Variants in HS6ST3 observed in about 807,000 individuals in gnomAD.
The protein encoded by HS6ST3 is heparan-sulfate 6-O-sulfotransferase 3.
In HS6ST3, 12 loss-of-function variants were observed where a neutral mutation model predicts 36.7. That is an observed-to-expected ratio of 0.33 (90% CI 0.21 to 0.53). The LOEUF (loss-of-function observed/expected upper bound fraction) is 0.53. HS6ST3 is among the 20% of genes least tolerant of loss of function. The pLI is 0.95. For missense variants in HS6ST3, 584 were observed against 640.9 expected, an observed-to-expected ratio of 0.91 and a Z score of 0.96; for synonymous variants, 240 against 257.5, an observed-to-expected ratio of 0.93 and a Z score of 0.65.
At chr13:96,596,476 CCA>C (rs2056401811) in intron 1 of HS6ST3, among the ~76,000 whole-genome samples, 1 of 151,910 alleles carries the variant, frequency 6.6e-6, no homozygotes, top group South Asian at 2.1e-4. Context: ...AGGTAGATAC[CCA>C]GTAGTGGGAT....
At chr13:96,721,953 T>G (rs1875859874) in intron 1 of HS6ST3, among the ~76,000 whole-genome samples, 1 of 152,132 alleles carries the variant, frequency 6.6e-6, no homozygotes, top group Non-Finnish European at 1.5e-5. Flanking sequence ...AACATTTAAG[T>G]AAGAGATGGT....
intron 1 of HS6ST3, among the ~76,000 whole-genome samples, chr13:96,594,470 T>C (rs182985146): frequency 4.8e-4 from 73 of 152,278 alleles, no homozygotes; most frequent in African/African-American, 1.7e-3. Flanking sequence ...ATTTTATGTG[T>C]ATCTACTATA....
At chr13:96,408,049 C>G (rs908245398) in intron 1 of HS6ST3, among the ~76,000 whole-genome samples, 3 of 152,150 alleles carry the variant, frequency 2.0e-5, no homozygotes, top group African/African-American at 7.2e-5. Context: ...AAGCAATTCT[C>G]CAGCCTCAGC....
chr13:96,645,812 G>A (rs9584398), intron 1 of HS6ST3, among the ~76,000 whole-genome samples: 1 of 151,820 alleles, frequency 6.6e-6, no homozygotes, highest in Non-Finnish European at 1.5e-5. Context: ...GGGAGGAAAT[G>A]CCATGGAAAT....
At chr13:96,675,652 C>A (rs2056696677) in intron 1 of HS6ST3, among the ~76,000 whole-genome samples, 1 of 152,020 alleles carries the variant, frequency 6.6e-6, no homozygotes, top group Non-Finnish European at 1.5e-5. Context: ...AGTTTCAAAA[C>A]AATGTAAGAC....
intron 1 of HS6ST3, among the ~76,000 whole-genome samples, chr13:96,434,507 C>T (rs2055631923): frequency 6.6e-6 from 1 of 152,174 alleles, no homozygotes; most frequent in South Asian, 2.1e-4. Context: ...GATTGGCCTC[C>T]AAATACAGTT....
chr13:96,278,206 T>A (rs2054757927), intron 1 of HS6ST3, among the ~76,000 whole-genome samples: 1 of 152,166 alleles, frequency 6.6e-6, no homozygotes, highest in Non-Finnish European at 1.5e-5. Flanking sequence ...ACCTTAAACT[T>A]CTTGTACTCA....
intron 1 of HS6ST3, among the ~76,000 whole-genome samples, chr13:96,825,204 C>T (rs1878623359): frequency 6.6e-6 from 1 of 152,118 alleles, no homozygotes; most frequent in African/African-American, 2.4e-5. Flanking sequence ...TGTTGTGAAC[C>T]TAGCATTATG....
chr13:96,530,505 C>CTTT (rs113518179), intron 1 of HS6ST3, among the ~76,000 whole-genome samples: 1 of 142,590 alleles, frequency 7.0e-6, no homozygotes, highest in African/African-American at 2.6e-5. Context: ...TTTTCTTTCC[C>CTTT]TTTTTTTTTT....
intron 1 of HS6ST3, among the ~76,000 whole-genome samples, chr13:96,363,226 C>T (rs1027132374): frequency 6.6e-6 from 1 of 151,674 alleles, no homozygotes; most frequent in African/African-American, 2.4e-5. Flanking sequence ...TTTAGTATTC[C>T]ATTATATGTA....
At chr13:96,253,940 T>C (rs1387358547) in intron 1 of HS6ST3, among the ~76,000 whole-genome samples, 3 of 152,224 alleles carry the variant, frequency 2.0e-5, no homozygotes. Flanking sequence ...ATTTTTTCTT[T>C]ATTGTTTTAA....
At chr13:96,394,130 T>C (rs926926621) in intron 1 of HS6ST3, among the ~76,000 whole-genome samples, 2 of 152,160 alleles carry the variant, frequency 1.3e-5, no homozygotes, top group African/African-American at 4.8e-5. Flanking sequence ...TGTGTTCTCT[T>C]AGCTTTCTCT....
chr13:96,712,969 CA>C (rs1171703162), intron 1 of HS6ST3, among the ~76,000 whole-genome samples: 1 of 152,164 alleles, frequency 6.6e-6, no homozygotes, highest in African/African-American at 2.4e-5. Context: ...AAATTGTCTT[CA>C]AAATGACTCC....
At chr13:96,400,191 A>G (rs1376682603) in intron 1 of HS6ST3, among the ~76,000 whole-genome samples, 1 of 150,530 alleles carries the variant, frequency 6.6e-6, no homozygotes, top group Non-Finnish European at 1.5e-5. Context: ...ACACAGACAC[A>G]TATATGCAGA....
chr13:96,432,867 C>T (rs939924332), intron 1 of HS6ST3, among the ~76,000 whole-genome samples: 17 of 152,178 alleles, frequency 1.1e-4, no homozygotes, highest in African/African-American at 3.6e-4. Context: ...GAAATTAGTA[C>T]CAATAAAACC....
intron 1 of HS6ST3, among the ~76,000 whole-genome samples, chr13:96,668,627 C>T (rs1178290727): frequency 4.2e-5 from 6 of 142,142 alleles, no homozygotes; most frequent in Non-Finnish European, 1.5e-5. Context: ...ACTGCTGTGT[C>T]ACCCTGGTTC....
intron 1 of HS6ST3, among the ~76,000 whole-genome samples, chr13:96,564,413 T>TTCACAGATCA (rs1018721631): frequency 1.3e-5 from 2 of 152,218 alleles, no homozygotes; most frequent in Non-Finnish European, 2.9e-5. Flanking sequence ...TTCTGTTTCC[T>TTCACAGATCA]TCACAGATCA....
chr13:96,233,475 G>C (rs1209453037), intron 1 of HS6ST3, among the ~76,000 whole-genome samples: 2 of 152,094 alleles, frequency 1.3e-5, no homozygotes, highest in African/African-American at 4.8e-5. Flanking sequence ...TATTATAAAG[G>C]GTTTGGAATA....
intron 1 of HS6ST3, among the ~76,000 whole-genome samples, chr13:96,454,748 G>A (rs2055746534): frequency 6.6e-6 from 1 of 151,780 alleles, no homozygotes; most frequent in Admixed American, 6.6e-5. Flanking sequence ...CAGATCATGA[G>A]GATGGTGGTT....
Sources: gnomAD v4.1 joint callset for allele counts (sites outside exome capture counted in the v4.1 genomes callset) on GRCh38, gnomAD v4.1.1 for gene constraint, MANE v1.5 for transcripts, NCBI Gene and HGNC (gene_info 2026-07-23, HGNC 2026-07-21) for gene names.